The following PACS2 variants were observed in gnomAD, a reference collection of about 807,000 sequenced individuals.
PACS2 encodes the protein PACS1-like protein.
A neutral mutation model predicts 113.0 loss-of-function variants in PACS2; 36 were observed. The observed-to-expected ratio is 0.32, with a 90% CI of 0.24 to 0.42. The LOEUF is 0.42. Ranked by LOEUF, PACS2 falls within the 10% of genes least tolerant of loss-of-function variation. The pLI, the probability that PACS2 is intolerant of heterozygous loss-of-function variation, is 1.00. For synonymous variants in PACS2, 589 were observed against 536.1 expected (o/e 1.10, Z -1.36); for missense variants, 1,015 against 1,239.5 (o/e 0.82, Z 2.72).
In PACS2 at chr14:105,395,102, T is replaced by C. The variant is rs587601346; in HGVS notation, c.*430T>C. 259 of 173,768 alleles carry C rather than the reference T, an allele frequency of 1.5e-3. No homozygotes were observed. The highest frequency in any genetic ancestry group is 5.7e-3 in the African/African-American group (243 of 42,312). The allele number at this position is 173,768 out of a possible 1,614,324, so 10.8% of individuals were successfully genotyped here. A position where few individuals can be genotyped will look rare whatever the true frequency, so the allele number is the denominator to read the frequency against. ...CCGCTCAGTCCCGTTGGGGTTGTCC[T>C]GAGTTGAGCCTGGGGGGGCCGTCCT... On this transcript the variant is annotated 3_prime_UTR_variant, in exon 25 of 25. Coordinates refer to ENST00000447393, the MANE Select transcript of PACS2 (RefSeq NM_001100913.3).
chr14:105,362,989 A>G (rs2060790386), intron 4 of PACS2, among the ~76,000 whole-genome samples: 1 of 152,150 alleles, frequency 6.6e-6, no homozygotes, highest in Non-Finnish European at 1.5e-5. Flanking sequence ...GGTCATGTCA[A>G]TGAGCAGTCA....
chr14:105,382,561 A>G lies in PACS2; in HGVS notation c.1498A>G (p.Thr500Ala). The change falls in exon 14 of 25, where the codon ACC becomes GCC. Residue 500 changes from threonine to alanine, a missense_variant. Thr to Ala is a moderately conservative substitution (Grantham distance 58). Transcript: ENST00000447393. ...QLPENIILVN[T>A]SDWQGQFLSD... ...TCCCGAAAACATCATCCTTGTCAAC[A>G]CCTCGGACTGGCAGGGGCAGGTAGA... 2 of 1,609,256 alleles carry G rather than the reference A, an allele frequency of 1.2e-6. No individual in the cohort carries two copies. The highest frequency in any genetic ancestry group is 1.7e-6 in the Non-Finnish European group (2 of 1,175,876).
At chr14:105,301,552 G>A (rs904268410) in intron 1 of PACS2, among the ~76,000 whole-genome samples, 2 of 152,176 alleles carry the variant, frequency 1.3e-5, no homozygotes, top group African/African-American at 4.8e-5. Context: ...GGCCGCAGAG[G>A]TGGAGACACC....
rs111383050 is a variant in PACS2, at chr14:105,389,954, C to T, written c.2034-7C>T. On this transcript the variant is annotated splice_polypyrimidine_tract_variant and splice_region_variant and intron_variant, in intron 19 of 24. Transcript: ENST00000447393. ...GAGAGCTTAACTGTCTGTTTCCTTG[C>T]TCTTAGCCCTGACGAAGAGTCCTCC... 3.4e-4 allele frequency: 544 copies of T among 1,613,318 alleles called. 2 individuals are homozygous for T. In the African/African-American group the frequency reaches 6.4e-3, roughly 19 times the overall value.
intron 16 of PACS2, chr14:105,383,762 A>G: frequency 2.0e-6 from 1 of 497,998 alleles, no homozygotes; most frequent in Non-Finnish European, 3.5e-6. Context: ...GCCCTAAAAC[A>G]GCCATTTGGG....
intron 22 of PACS2, 191 bp downstream of exon 22, chr14:105,391,957 C>G (rs2081374076): frequency 1.7e-6 from 1 of 591,048 alleles, no homozygotes; most frequent in Non-Finnish European, 2.9e-6. Flanking sequence ...TGTTTGGGGG[C>G]AGGACCTCTG....
chr14:105,312,133 C>T (rs964078440), upstream of PACS2, among the ~76,000 whole-genome samples: 3 of 152,200 alleles, frequency 2.0e-5, no homozygotes, highest in Admixed American at 2.0e-4. Context: ...GAGATGAATG[C>T]GTTTCCAAGC....
chr14:105,318,269 C>T (rs2140813465), intron 1 of PACS2, among the ~76,000 whole-genome samples: 1 of 152,238 alleles, frequency 6.6e-6, no homozygotes. Flanking sequence ...AGGTATGAGC[C>T]CCTGGGCCTG....
At chr14:105,362,270 T>C (rs139912288) in intron 4 of PACS2, among the ~76,000 whole-genome samples, 4,197 of 150,434 alleles carry the variant, frequency 0.028, 208 homozygotes, top group African/African-American at 0.096. Context: ...TATAAAAAAT[T>C]AGCTGGGCGT....
chr14:105,388,997 C>T (rs908732852), intron 19 of PACS2: 1 of 152,384 alleles, frequency 6.6e-6, no homozygotes. Context: ...ATGCCCTCAC[C>T]TCACCCTAGC....
chr14:105,315,892 G>T lies in PACS2; in HGVS notation c.119+855G>T, dbSNP rs190571012. ...GAATAGACAGCAGGCGAGAAGAGGA[G>T]GCGGTTGGGGGTAGTGAGAGTTCTC... On this transcript the variant is annotated intron_variant, in intron 1 of 24. Coordinates refer to ENST00000447393, the MANE Select transcript of PACS2 (RefSeq NM_001100913.3). This position sits in a 1 kb window ranked among gnomAD's most constrained non-coding sequence, Gnocchi z 4.4. Among the ~76,000 whole-genome samples, 1 of 152,394 alleles carries T rather than the reference G, an allele frequency of 6.6e-6. No individual in the cohort carries two copies. Among genetic ancestry groups the T allele is most frequent in the East Asian group, 1.9e-4 (1 of 5,196 alleles).
rs1555416630 is a variant in PACS2, at chr14:105,396,185, C to CA, written c.*1514dup. 2 of 152,302 alleles carry CA rather than the reference C, an allele frequency of 1.3e-5. No individual in the cohort carries two copies. Among genetic ancestry groups the CA allele is most frequent in the Non-Finnish European group, 2.9e-5 (2 of 68,136 alleles). 9.4% of individuals were successfully genotyped at this position (152,302 alleles called of 1,614,324 possible). ...GTGTGCAGCCTCAGCTCCCTGGGTT[C>CA]AGGCCTCAGAGGTAGCCTGTGTGCA... is the stretch of plus-strand genomic sequence containing the variant. On this transcript the variant is annotated 3_prime_UTR_variant, in exon 25 of 25. Transcript: ENST00000447393.
intron 19 of PACS2, among the ~76,000 whole-genome samples, chr14:105,386,337 A>G (rs587718481): frequency 6.6e-6 from 1 of 152,258 alleles, no homozygotes; most frequent in South Asian, 2.1e-4. Context: ...CCTGGCTCCC[A>G]GGGCTCCCTC....
intron 4 of PACS2, 138 bp from the exon 5 acceptor site, chr14:105,367,075 G>A (rs1027454401): frequency 2.2e-5 from 16 of 715,534 alleles, no homozygotes; most frequent in Non-Finnish European, 3.3e-5. Context: ...GATGCTCCCT[G>A]CCCTGTGGCT....
chr14:105,319,567 C>T (rs1251483426), intron 1 of PACS2, among the ~76,000 whole-genome samples: 5 of 152,172 alleles, frequency 3.3e-5, no homozygotes, highest in Admixed American at 2.6e-4. Flanking sequence ...CTATTTTTAA[C>T]CTAGTAACTT....
At chr14:105,393,139 G>A (rs2081417287) in intron 23 of PACS2, 83 bp from the exon 24 acceptor site, 2 of 1,045,776 alleles carry the variant, frequency 1.9e-6, no homozygotes, top group East Asian at 2.4e-5. Context: ...AGCCCCCAGT[G>A]CCTCCCCCAC....
chr14:105,314,717 GGGGCGCC>G (rs2058483904), upstream of PACS2: 1 of 143,074 alleles, frequency 7.0e-6, no homozygotes, highest in African/African-American at 2.5e-5. Flanking sequence ...GGGCGCGGGC[GGGGCGCC>G]GGGCGGGGCG....
intron 1 of PACS2, among the ~76,000 whole-genome samples, chr14:105,327,542 CGCTAGCGCTCGGA>C (rs997399374): frequency 1.3e-5 from 2 of 152,152 alleles, no homozygotes; most frequent in Non-Finnish European, 2.9e-5. Context: ...AGGTGTCTGC[CGCTAGCGCTCGGA>C]GCCTGTGCTG....
intron 1 of PACS2, among the ~76,000 whole-genome samples, chr14:105,326,463 G>T (rs896183418): frequency 6.6e-6 from 1 of 152,252 alleles, no homozygotes; most frequent in Non-Finnish European, 1.5e-5. Context: ...GGCCTTCCTG[G>T]TGCGGTGCTG....
Sources: gnomAD v4.1 joint callset for allele counts (sites outside exome capture counted in the v4.1 genomes callset) on GRCh38, gnomAD v4.1.1 for gene constraint, Gnocchi (gnomAD v3.1) non-coding constraint, MANE v1.5 for transcripts, NCBI Gene and HGNC (gene_info 2026-07-23, HGNC 2026-07-21) for gene names.